The following CNTNAP2 variants were observed in gnomAD, a reference collection of about 807,000 sequenced individuals.
CNTNAP2 encodes the protein contactin associated protein 2, also known as contactin-associated protein-like 2.
CNTNAP2 carries 98 observed loss-of-function variants against 155.2 expected under a neutral mutation model. The ratio of observed to expected loss-of-function variants is 0.63; its 90% CI spans 0.54 to 0.75. The LOEUF is 0.75. CNTNAP2 is among the 30% of genes least tolerant of loss of function. The pLI is 0.00. For missense variants in CNTNAP2, 1,727 were observed against 1,688.1 expected, an observed-to-expected ratio of 1.02 and a Z score of -0.40; for synonymous variants, 651 against 631.2, an observed-to-expected ratio of 1.03 and a Z score of -0.47.
At chr7:147,908,333 C>T (rs1187377983) in intron 14 of CNTNAP2, among the ~76,000 whole-genome samples, 2 of 152,212 alleles carry the variant, frequency 1.3e-5, no homozygotes, top group Non-Finnish European at 2.9e-5. Flanking sequence ...CCGCTGAATG[C>T]ACCAAGGGCA....
intron 1 of CNTNAP2, among the ~76,000 whole-genome samples, chr7:146,195,357 T>A (rs1226411441): frequency 1.3e-5 from 2 of 152,006 alleles, no homozygotes. Context: ...AGAAAGAAAA[T>A]GAGAAGAGGA....
chr7:148,149,483 AT>A (rs1325602014), intron 17 of CNTNAP2, among the ~76,000 whole-genome samples: 1 of 152,172 alleles, frequency 6.6e-6, no homozygotes, highest in Non-Finnish European at 1.5e-5. Flanking sequence ...GAGGAGGAGG[AT>A]TTGATTAAAA....
intron 14 of CNTNAP2, among the ~76,000 whole-genome samples, chr7:147,920,023 G>A (rs566124861): frequency 1.6e-3 from 249 of 152,072 alleles, no homozygotes; most frequent in African/African-American, 5.8e-3. Flanking sequence ...CATTGGTATA[G>A]AGTGAAAGTT....
In CNTNAP2 at chr7:146,243,810, G is replaced by A. The variant is rs7803323; in HGVS notation, c.97+126837G>A. Among the ~76,000 whole-genome samples the A allele has an allele frequency of 5.2e-3, 790 of 152,246 alleles. 4 individuals are homozygous for A. The highest frequency in any genetic ancestry group is 0.018 in the African/African-American group (752 of 41,542). ...AATAAATAAAGCACAGCTTACTTGT[G>A]ATTGTAAGTTCCTGTCTTCTTATAT... On this transcript the variant is annotated intron_variant, in intron 1 of 23. Transcript: ENST00000361727.
chr7:146,127,437 C>T (rs1435950947), intron 1 of CNTNAP2, among the ~76,000 whole-genome samples: 3 of 152,232 alleles, frequency 2.0e-5, no homozygotes, highest in African/African-American at 7.2e-5. Flanking sequence ...GAAATTACCC[C>T]ATAGTATCGA....
intron 1 of CNTNAP2, among the ~76,000 whole-genome samples, chr7:146,638,279 C>T (rs1274255933): frequency 6.6e-6 from 1 of 152,046 alleles, no homozygotes; most frequent in Non-Finnish European, 1.5e-5. Context: ...CTGCAGTGTT[C>T]AGTTCCTTGA....
At chr7:147,375,799 G>A (rs561515654) in intron 9 of CNTNAP2, among the ~76,000 whole-genome samples, 2 of 152,066 alleles carry the variant, frequency 1.3e-5, no homozygotes, top group South Asian at 4.2e-4. Flanking sequence ...TTTCGTTGAC[G>A]TTTCAGCCTT....
At chr7:147,532,011 G>C (rs1799442926) in intron 11 of CNTNAP2, among the ~76,000 whole-genome samples, 1 of 151,934 alleles carries the variant, frequency 6.6e-6, no homozygotes, top group Admixed American at 6.6e-5. Flanking sequence ...GTTTCACCAT[G>C]TTAGCCAGGA....
In CNTNAP2 at chr7:147,452,311, T is replaced by C. The variant is rs185553061; in HGVS notation, c.1671-33624T>C. On this transcript the variant is annotated intron_variant, in intron 10 of 23. Transcript: ENST00000361727. ...AGATTGCATCTTAGAGAAATCATTA[T>C]TTTATATCAAAAAGTAGCTGGCCTT... Among the ~76,000 whole-genome samples, 380 of 152,342 alleles carry C rather than the reference T, an allele frequency of 2.5e-3. 3 individuals carry two copies. The highest frequency in any genetic ancestry group is 0.023 in the Admixed American group (356 of 15,288).
At chr7:146,256,210 TC>T (rs1261850586) in intron 1 of CNTNAP2, among the ~76,000 whole-genome samples, 3 of 152,172 alleles carry the variant, frequency 2.0e-5, no homozygotes, top group Non-Finnish European at 4.4e-5. Flanking sequence ...ACTTTCTAAT[TC>T]TAAGTCCTGA....
chr7:146,727,623 G>A (rs1472463349), intron 1 of CNTNAP2, among the ~76,000 whole-genome samples: 1 of 152,144 alleles, frequency 6.6e-6, no homozygotes, highest in Non-Finnish European at 1.5e-5. Context: ...TTCACTGTCA[G>A]GCTGACTAAA....
chr7:147,263,996 A>T (rs931963114), intron 8 of CNTNAP2, among the ~76,000 whole-genome samples: 1 of 152,204 alleles, frequency 6.6e-6, no homozygotes, highest in African/African-American at 2.4e-5. Flanking sequence ...GCATTTTCCT[A>T]GCAGTCAGTG....
intron 22 of CNTNAP2, among the ~76,000 whole-genome samples, chr7:148,404,461 G>A: frequency 6.6e-6 from 1 of 151,668 alleles, no homozygotes. Context: ...ACTCCTATGA[G>A]ACGGGAGAGT....
intron 8 of CNTNAP2, among the ~76,000 whole-genome samples, chr7:147,228,676 C>A (rs1194970974): frequency 3.3e-5 from 5 of 151,984 alleles, no homozygotes; most frequent in Non-Finnish European, 7.4e-5. Flanking sequence ...TTTTATTATA[C>A]TTTAAGTTCT....
At position 146,747,836 on chromosome 7, in the gene CNTNAP2, G is replaced by C. The variant is rs186677409; in HGVS notation, c.98-26435G>C. Among the ~76,000 whole-genome samples the C allele has an allele frequency of 7.6e-4, 116 of 152,132 alleles. 1 individual carries two copies. Among genetic ancestry groups the C allele is most frequent in the Non-Finnish European group, 2.5e-4 (17 of 67,968 alleles). ...ATAATTATGGACTGAATATTTCTTA[G>C]TTTTTTAAATTTAGAGCATTGATTG... On this transcript the variant is annotated intron_variant, in intron 1 of 23. Coordinates refer to ENST00000361727, the MANE Select transcript of CNTNAP2 (RefSeq NM_014141.6).
At chr7:147,802,329 C>A (rs985147743) in intron 13 of CNTNAP2, among the ~76,000 whole-genome samples, 21 of 142,024 alleles carry the variant, frequency 1.5e-4, no homozygotes, top group Admixed American at 9.2e-4. Flanking sequence ...ACATCCCAGA[C>A]GATGGGCGGC....
intron 9 of CNTNAP2, among the ~76,000 whole-genome samples, chr7:147,332,784 C>T (rs963344402): frequency 1.3e-5 from 2 of 152,090 alleles, no homozygotes; most frequent in African/African-American, 4.8e-5. Flanking sequence ...ATCACTTGAA[C>T]CTGGGAGGCA....
At position 148,061,395 on chromosome 7, in the gene CNTNAP2, C is replaced by T. The variant is rs549797005; in HGVS notation, c.2384-56723C>T. Among the ~76,000 whole-genome samples the T allele has an allele frequency of 1.4e-4, 21 of 151,538 alleles. No homozygotes were observed. In the East Asian group the frequency reaches 3.7e-3, roughly 27 times the overall value. Reference sequence around the variant, plus strand: ...TTGAGACAGACTGTCATTCTGTCACCCATGCTGTAGTGCAGTGGCATGATC... The same window carrying T: ...TTGAGACAGACTGTCATTCTGTCACTCATGCTGTAGTGCAGTGGCATGATC... On this transcript the variant is annotated intron_variant, in intron 15 of 23. Transcript: ENST00000361727.
chr7:147,372,928 C>CT (rs1796371576), intron 9 of CNTNAP2, among the ~76,000 whole-genome samples: 1 of 152,062 alleles, frequency 6.6e-6, no homozygotes, highest in Non-Finnish European at 1.5e-5. Context: ...CACTTCCTCT[C>CT]TGTCTCCCCT....
Sources: allele counts gnomAD v4.1 joint callset (sites outside exome capture counted in the v4.1 genomes callset), GRCh38; gene constraint gnomAD v4.1.1; transcripts MANE v1.5; gene names NCBI Gene and HGNC (gene_info 2026-07-23, HGNC 2026-07-21).